Variants in PLSCR2 observed in about 807,000 individuals in gnomAD.
PLSCR2 encodes the protein phospholipid scramblase 2, also known as PL scramblase 2.
PLSCR2 carries 18 observed loss-of-function variants against 25.3 expected under a neutral mutation model. The ratio of observed to expected loss-of-function variants is 0.71; its 90% confidence interval spans 0.49 to 1.06. PLSCR2 has a LOEUF of 1.06. Among genes scored for constraint, PLSCR2 ranks in the 50% least tolerant of loss-of-function variants. The pLI is 0.00. For missense variants in PLSCR2, 243 were observed against 269.5 expected (o/e 0.90, Z 0.69); for synonymous variants, 88 against 87.3 (o/e 1.01, Z -0.04).
intron 3 of PLSCR2, among the ~76,000 whole-genome samples, chr3:146,456,744 C>T (rs965207342): frequency 6.6e-6 from 1 of 151,906 alleles, no homozygotes; most frequent in African/African-American, 2.4e-5. Flanking sequence ...GAGTAATCAT[C>T]TTTTTATATG....
intron 2 of PLSCR2, among the ~76,000 whole-genome samples, chr3:146,424,494 A>C (rs994876132): frequency 6.6e-6 from 1 of 152,082 alleles, no homozygotes; most frequent in African/African-American, 2.4e-5. Flanking sequence ...TAAGACAATA[A>C]ATTTGTTTTA....
chr3:146,421,280 GTC>G (rs1485282788), intron 2 of PLSCR2, among the ~76,000 whole-genome samples: 1 of 151,850 alleles, frequency 6.6e-6, no homozygotes, highest in Non-Finnish European at 1.5e-5. Context: ...ATCTATGTGG[GTC>G]TCTCATATTT....
intron 1 of PLSCR2, chr3:146,494,474 AATAAGT>A (rs2043675796): frequency 6.6e-6 from 1 of 152,178 alleles, no homozygotes; most frequent in African/African-American, 2.4e-5. Context: ...AATACTTGCT[AATAAGT>A]ATAACTATAT....
intron 1 of PLSCR2, among the ~76,000 whole-genome samples, chr3:146,480,228 A>T (rs1219317904): frequency 6.6e-6 from 1 of 152,202 alleles, no homozygotes; most frequent in African/African-American, 2.4e-5. Flanking sequence ...GCAAGAAATA[A>T]CTAAGATCAG....
chr3:146,424,519 G>A (rs1436694316), intron 2 of PLSCR2, among the ~76,000 whole-genome samples: 9 of 152,102 alleles, frequency 5.9e-5, no homozygotes, highest in African/African-American at 2.2e-4. Context: ...AAGCCATGAA[G>A]TTTGTGGTAG....
At chr3:146,411,228 G>T (rs533544200) in intron 2 of PLSCR2, among the ~76,000 whole-genome samples, 108 of 152,176 alleles carry the variant, frequency 7.1e-4, no homozygotes, top group African/African-American at 2.3e-3. Context: ...TCAAGGGAGG[G>T]CCCCTGTCAG....
intron 2 of PLSCR2, among the ~76,000 whole-genome samples, chr3:146,407,732 G>C (rs1274728698): frequency 6.6e-6 from 1 of 152,162 alleles, no homozygotes; most frequent in African/African-American, 2.4e-5. Context: ...CGGAGAGCCT[G>C]AGTGAGGGTG....
intron 1 of PLSCR2, among the ~76,000 whole-genome samples, chr3:146,492,988 C>G (rs1407898576): frequency 7.3e-6 from 1 of 137,036 alleles, no homozygotes; most frequent in African/African-American, 2.8e-5. Flanking sequence ...ATGGACCCCA[C>G]AGAAATACAA....
chr3:146,401,216 A>G (rs1234129905), intron 2 of PLSCR2: 3 of 152,106 alleles, frequency 2.0e-5, no homozygotes, highest in Non-Finnish European at 4.4e-5. Context: ...TTCTCACCCT[A>G]TACTTATGTG....
intron 2 of PLSCR2, among the ~76,000 whole-genome samples, chr3:146,412,604 G>A (rs2038891667): frequency 6.6e-6 from 1 of 152,172 alleles, no homozygotes; most frequent in Admixed American, 6.5e-5. Flanking sequence ...AAACGAAATA[G>A]CACTTGAACA....
intron 6 of PLSCR2, among the ~76,000 whole-genome samples, chr3:146,447,975 A>G (rs1013466612): frequency 1.2e-4 from 19 of 152,254 alleles, no homozygotes; most frequent in African/African-American, 4.1e-4. Context: ...ACAGAGTTCC[A>G]ATGCAAAGTC....
intron 1 of PLSCR2, among the ~76,000 whole-genome samples, chr3:146,482,379 GA>G (rs1203950496): frequency 6.6e-6 from 1 of 151,848 alleles, no homozygotes; most frequent in Non-Finnish European, 1.5e-5. Flanking sequence ...AAATTTACAA[GA>G]AAAAAACAAA....
intron 3 of PLSCR2, among the ~76,000 whole-genome samples, chr3:146,457,586 C>T (rs2041291223): frequency 6.6e-6 from 1 of 152,180 alleles, no homozygotes; most frequent in Non-Finnish European, 1.5e-5. Flanking sequence ...CTGGGTTCAT[C>T]CAAACTCCCA....
chr3:146,408,053 A>G (rs1206704473), intron 2 of PLSCR2, among the ~76,000 whole-genome samples: 1 of 152,164 alleles, frequency 6.6e-6, no homozygotes, highest in Non-Finnish European at 1.5e-5. Flanking sequence ...AGCATTTGAC[A>G]TCCATTCACC....
At chr3:146,482,835 T>C (rs923803558) in intron 1 of PLSCR2, among the ~76,000 whole-genome samples, 3 of 152,112 alleles carry the variant, frequency 2.0e-5, no homozygotes, top group Non-Finnish European at 4.4e-5. Context: ...CAAATGTCCA[T>C]CAGTGATAGA....
intron 2 of PLSCR2, among the ~76,000 whole-genome samples, chr3:146,409,686 A>G (rs2038781872): frequency 6.6e-6 from 1 of 152,156 alleles, no homozygotes; most frequent in Non-Finnish European, 1.5e-5. Flanking sequence ...TAATTCTCTG[A>G]AAAACCGAGA....
At position 146,409,184 on chromosome 3, in the gene PLSCR2, C is replaced by T. The variant is rs1224265013; in HGVS notation, c.101-13263G>A. On this transcript the variant is annotated intron_variant and NMD_transcript_variant, in intron 2 of 3. Transcript: ENST00000463633. Reference sequence around the variant, plus strand: ...TAAACTAAGAAGGGGGCTGAGCGCTCGTCACCTGGAGGGACTTGTGCCTCT... The same window carrying T: ...TAAACTAAGAAGGGGGCTGAGCGCTTGTCACCTGGAGGGACTTGTGCCTCT... Among the ~76,000 whole-genome samples, 3 of 152,028 alleles carry T rather than the reference C, an allele frequency of 2.0e-5. No homozygotes were observed. In the East Asian group the frequency reaches 5.8e-4, roughly 30 times the overall value.
chr3:146,422,968 T>C (rs2039198623), intron 2 of PLSCR2, among the ~76,000 whole-genome samples: 1 of 152,050 alleles, frequency 6.6e-6, no homozygotes, highest in Non-Finnish European at 1.5e-5. Context: ...GACCACCCTT[T>C]AGATAAATCA....
At position 146,487,643 on chromosome 3, in the gene PLSCR2, T is replaced by C. The variant is rs528557790; in HGVS notation, c.-293+8252A>G. Among the ~76,000 whole-genome samples, 351 of 152,166 alleles carry C rather than the reference T, an allele frequency of 2.3e-3. 3 individuals are homozygous for C. The highest frequency in any genetic ancestry group is 4.1e-3 in the Non-Finnish European group (279 of 68,000). On this transcript the variant is annotated intron_variant, in intron 1 of 8. Coordinates refer to the PLSCR2 transcript ENST00000336685. ...TGTGAAGGACATCTTCAAGAAGAAC[T>C]ACAAACCATTGCTCAAGGAAATAAG... is the stretch of plus-strand genomic sequence containing the variant.
Sources: allele counts gnomAD v4.1 joint callset (sites outside exome capture counted in the v4.1 genomes callset), GRCh38; gene constraint gnomAD v4.1.1; transcripts MANE v1.5; gene names NCBI Gene and HGNC (gene_info 2026-07-23, HGNC 2026-07-21).